SLC14A2: variants seen among roughly 807,000 people sequenced by gnomAD.
SLC14A2 encodes the protein urea transporter 2.
In SLC14A2, 91 loss-of-function variants were observed where a neutral mutation model predicts 104.6. The observed-to-expected ratio is 0.87, with a 90% CI of 0.73 to 1.04. SLC14A2 has a LOEUF of 1.04. Among genes scored for constraint, SLC14A2 ranks in the 50% least tolerant of loss-of-function variants. The probability of loss-of-function intolerance (pLI) is 0.00; values close to 1 mark genes in which losing one functional copy is unlikely to be tolerated. For synonymous variants in SLC14A2, 476 were observed against 466.4 expected (o/e 1.02, Z -0.27); for missense variants, 1,189 against 1,156.0 (o/e 1.03, Z -0.41).
intron 1 of SLC14A2, among the ~76,000 whole-genome samples, chr18:45,276,992 C>T (rs922511407): frequency 2.0e-5 from 3 of 152,190 alleles, no homozygotes; most frequent in African/African-American, 7.2e-5. Context: ...TTTATTCTCT[C>T]CTATTAGTTA....
intron 2 of SLC14A2, among the ~76,000 whole-genome samples, chr18:45,537,166 T>A (rs961877807): frequency 6.6e-6 from 1 of 151,428 alleles, no homozygotes; most frequent in African/African-American, 2.4e-5. Flanking sequence ...GATATACCAA[T>A]GAATAAAATA....
chr18:45,215,630 G>A (rs1419060088), intron 1 of SLC14A2, among the ~76,000 whole-genome samples: 1 of 152,244 alleles, frequency 6.6e-6, no homozygotes, highest in Non-Finnish European at 1.5e-5. Context: ...ATAGGAGAGA[G>A]ATGCTCAAAC....
intron 1 of SLC14A2, among the ~76,000 whole-genome samples, chr18:45,481,716 G>A (rs1415854592): frequency 1.3e-5 from 2 of 152,144 alleles, no homozygotes; most frequent in African/African-American, 4.8e-5. Context: ...CTATTGTTAT[G>A]TTGACTTCAA....
chr18:45,369,510 G>T (rs190610267), intron 1 of SLC14A2, among the ~76,000 whole-genome samples: 9 of 152,256 alleles, frequency 5.9e-5, no homozygotes. Flanking sequence ...TATTATATAT[G>T]GTTGGGTTGA....
intron 1 of SLC14A2, among the ~76,000 whole-genome samples, chr18:45,323,953 G>A (rs917355183): frequency 3.9e-5 from 6 of 152,212 alleles, no homozygotes; most frequent in East Asian, 1.9e-4. Flanking sequence ...CATGTAACAC[G>A]CATGCACTGG....
At position 45,641,148 on chromosome 18, in the gene SLC14A2, C is replaced by T. The variant is rs550166746; in HGVS notation, c.992-61C>T. 3.2e-6 allele frequency: 5 copies of T among 1,583,226 alleles called. No homozygotes were observed. In the Admixed American group the frequency reaches 6.7e-5, roughly 21 times the overall value. ...GCCACTCTGAGACCTGGCACCAGTCCCAGGGTGGTCTTTGTTCTGTGGCCC... is the reference window on the plus strand; with the variant it reads ...GCCACTCTGAGACCTGGCACCAGTCTCAGGGTGGTCTTTGTTCTGTGGCCC... On this transcript the variant is annotated intron_variant, in intron 7 of 19. Transcript: ENST00000255226.
At chr18:45,281,393 G>T (rs1017012709) in intron 1 of SLC14A2, among the ~76,000 whole-genome samples, 8 of 152,148 alleles carry the variant, frequency 5.3e-5, no homozygotes, top group Admixed American at 5.2e-4. Context: ...ACTGCCATAA[G>T]CACCAGGCAG....
intron 2 of SLC14A2, among the ~76,000 whole-genome samples, chr18:45,586,177 G>A (rs899226528): frequency 6.6e-5 from 10 of 152,186 alleles, no homozygotes; most frequent in Admixed American, 3.9e-4. Flanking sequence ...TGGGTTAGAC[G>A]AGAGAATGGC....
the SLC14A2 span, chr18:45,180,884 T>C: frequency 1.3e-5 from 2 of 152,178 alleles, no homozygotes; most frequent in Non-Finnish European, 2.9e-5. Context: ...TGAAGCATAA[T>C]GAATAGAAAA....
chr18:45,555,752 C>T (rs999732812), intron 2 of SLC14A2, among the ~76,000 whole-genome samples: 1 of 152,198 alleles, frequency 6.6e-6, no homozygotes. Context: ...AATGTTCCCT[C>T]ATGGAGACAG....
chr18:45,286,977 G>A (rs775407833), intron 1 of SLC14A2, among the ~76,000 whole-genome samples: 1 of 152,204 alleles, frequency 6.6e-6, no homozygotes, highest in Non-Finnish European at 1.5e-5. Context: ...GTTCCCAGCA[G>A]CTACCTGTGT....
At chr18:45,533,140 G>T (rs1471604066) in intron 2 of SLC14A2, among the ~76,000 whole-genome samples, 1 of 152,178 alleles carries the variant, frequency 6.6e-6, no homozygotes, top group African/African-American at 2.4e-5. Flanking sequence ...GTTTATCAAG[G>T]ATATTGGTCT....
chr18:45,527,300 C>A (rs767442207), intron 2 of SLC14A2, among the ~76,000 whole-genome samples: 4 of 152,190 alleles, frequency 2.6e-5, no homozygotes, highest in African/African-American at 7.2e-5. Flanking sequence ...ATGACGCTAA[C>A]AAATCCAAGA....
intron 1 of SLC14A2, among the ~76,000 whole-genome samples, chr18:45,297,665 GA>G (rs35451159): frequency 1.3e-5 from 2 of 150,440 alleles, no homozygotes; most frequent in Admixed American, 6.6e-5. Flanking sequence ...TGGCTCACTG[GA>G]AAAAAAAAAT....
At chr18:45,641,133 G>A in intron 7 of SLC14A2, 76 bp from the exon 8 acceptor site, 2 of 1,517,474 alleles carry the variant, frequency 1.3e-6, no homozygotes, top group South Asian at 1.2e-5. Context: ...GCCACTCTGA[G>A]ACCTGGCACC....
chr18:45,605,158 T>G (rs1177346643), intron 2 of SLC14A2, among the ~76,000 whole-genome samples: 1 of 152,190 alleles, frequency 6.6e-6, no homozygotes, highest in Non-Finnish European at 1.5e-5. Flanking sequence ...GCAATGCTGA[T>G]CTTCACGCAC....
Position 45,668,392 on chromosome 18 carries a change from G to T in SLC14A2, c.1951G>T (p.Val651Leu). ...AGFHGYNGVL[V>L]GLLMAVFSDK... The stretch of plus-strand genomic sequence containing the variant: ...ATTTCACGGCTACAATGGGGTGCTG[G>T]TGGGGCTGCTGATGGCCGTGTTCTC... Residue 651 changes from valine to leucine, a missense_variant, in exon 15 of 20, where the codon GTG (valine) becomes TTG (leucine). Val to Leu is a conservative substitution (Grantham distance 32, BLOSUM62 1). Transcript: ENST00000255226. 6.2e-7 allele frequency: 1 copy of T among 1,614,166 alleles called. No homozygotes were observed. The highest frequency in any genetic ancestry group is 1.1e-5 in the South Asian group (1 of 91,078).
At chr18:45,566,877 A>T (rs2044273727) in intron 2 of SLC14A2, among the ~76,000 whole-genome samples, 1 of 152,136 alleles carries the variant, frequency 6.6e-6, no homozygotes, top group Non-Finnish European at 1.5e-5. Flanking sequence ...AAGCTTTCAG[A>T]ATGGGGGTGT....
At chr18:45,558,556 C>A (rs1044994278) in intron 2 of SLC14A2, among the ~76,000 whole-genome samples, 1 of 152,102 alleles carries the variant, frequency 6.6e-6, no homozygotes, top group Non-Finnish European at 1.5e-5. Context: ...AAAGCAGCAT[C>A]ACCACAGGTG....
Sources: allele counts gnomAD v4.1 joint callset (sites outside exome capture counted in the v4.1 genomes callset), GRCh38; gene constraint gnomAD v4.1.1; transcripts MANE v1.5; gene names NCBI Gene and HGNC (gene_info 2026-07-23, HGNC 2026-07-21).